ATRN: variants seen among roughly 807,000 people sequenced by gnomAD.
ATRN encodes attractin-2.
ATRN carries 54 observed loss-of-function variants against 178.7 expected under a neutral mutation model. That is an observed-to-expected ratio of 0.30 (90% CI 0.24 to 0.38). ATRN has a LOEUF of 0.38. Among genes scored for constraint, ATRN ranks in the 10% least tolerant of loss-of-function variants. ATRN has a pLI of 1.00. For synonymous variants in ATRN, 636 were observed against 663.0 expected, an observed-to-expected ratio of 0.96 and a Z score of 0.63; for missense variants, 1,443 against 1,815.1, an observed-to-expected ratio of 0.79 and a Z score of 3.73.
Position 3,553,801 on chromosome 20 carries a change from G to A in ATRN, c.1112+4463G>A, listed in dbSNP as rs146250197. Among the ~76,000 whole-genome samples the A allele has an allele frequency of 7.5e-3, 1,140 of 152,320 alleles. 15 individuals are homozygous for A. Among genetic ancestry groups the A allele is most frequent in the African/African-American group, 0.026 (1,064 of 41,578 alleles). ...GTCTTCTCACCCTTTAGATCTCAGT[G>A]TGGTTTTCCCAGAGAGATCTTCTCT... On this transcript the variant is annotated intron_variant, in intron 6 of 28. Transcript: ENST00000262919.
At chr20:3,493,615 C>T (rs762645992) in intron 1 of ATRN, among the ~76,000 whole-genome samples, 1 of 152,182 alleles carries the variant, frequency 6.6e-6, no homozygotes, top group Admixed American at 6.5e-5. Context: ...TTTAGAAAAA[C>T]ATGAACAACC....
chr20:3,559,690 T>G (rs532019863), intron 7 of ATRN, among the ~76,000 whole-genome samples: 4 of 152,280 alleles, frequency 2.6e-5, no homozygotes, highest in African/African-American at 9.6e-5. Context: ...CAAACTGTAA[T>G]GGGGTATTAT....
intron 8 of ATRN, 107 bp downstream of exon 8, chr20:3,561,012 TTTATCTTGAAACA>T (rs2085945148): frequency 1.2e-5 from 16 of 1,375,620 alleles, no homozygotes; most frequent in Non-Finnish European, 1.6e-5. Flanking sequence ...GATTCGGTAC[TTTATCTTGAAACA>T]TAGTAAACAC....
At position 3,578,749 on chromosome 20, in the gene ATRN, A is replaced by T; in HGVS notation, c.2521A>T (p.Ile841Leu). ...AGAATTTGTCCTTAAGCAGCTGCGA[A>T]TAATGCAGTCATCTCAGAGCATGGT... ...KVEFVLKQLRIMQSSQSMSKL... is the reference protein window; with the variant it reads ...KVEFVLKQLRLMQSSQSMSKL... Residue 841 changes from isoleucine (I) to leucine (L), a missense_variant, in exon 15 of 29, where the codon ATA (isoleucine) becomes TTA (leucine). Transcript: ENST00000262919. The T allele has an allele frequency of 6.2e-7, 1 of 1,613,248 alleles. No homozygotes were observed. Among genetic ancestry groups the T allele is most frequent in the Non-Finnish European group, 8.5e-7 (1 of 1,179,756 alleles).
chr20:3,519,006 T>TATATATAAAAAAAAAAAA (rs770584938), intron 1 of ATRN, among the ~76,000 whole-genome samples: 2 of 119,494 alleles, frequency 1.7e-5, no homozygotes, highest in African/African-American at 6.7e-5. Context: ...TCCTTATATA[T>TATATATAAAAAAAAAAAA]AAAAAAAAAA....
chr20:3,527,752 T>C (rs1039572820), intron 1 of ATRN, among the ~76,000 whole-genome samples: 18 of 152,064 alleles, frequency 1.2e-4, no homozygotes, highest in Non-Finnish European at 1.5e-5. Flanking sequence ...TAGAAACAAA[T>C]GAGTTCATGT....
chr20:3,644,954 A>G (rs1198509175), intron 28 of ATRN, among the ~76,000 whole-genome samples: 1 of 152,222 alleles, frequency 6.6e-6, no homozygotes, highest in Non-Finnish European at 1.5e-5. Context: ...TATCTTAAAC[A>G]TTTTTATAGC....
At chr20:3,512,190 T>TTGG (rs2085143277) in intron 1 of ATRN, among the ~76,000 whole-genome samples, 1 of 150,328 alleles carries the variant, frequency 6.7e-6, no homozygotes, top group Non-Finnish European at 1.5e-5. Flanking sequence ...ATGTGCCATG[T>TTGG]TGGTGTGCTG....
intron 24 of ATRN, among the ~76,000 whole-genome samples, chr20:3,617,394 A>T (rs1035216418): frequency 6.6e-6 from 1 of 152,208 alleles, no homozygotes; most frequent in Non-Finnish European, 1.5e-5. Flanking sequence ...TAATATGATC[A>T]TAGGGAAAGT....
chr20:3,595,492 T>C (rs532888486), intron 20 of ATRN, among the ~76,000 whole-genome samples: 7 of 152,378 alleles, frequency 4.6e-5, no homozygotes, highest in Non-Finnish European at 1.0e-4. Context: ...TCTGCATATA[T>C]GTTTACTAGC....
chr20:3,594,616 T>G, intron 20 of ATRN, 44 bp downstream of exon 20: 1 of 1,528,998 alleles, frequency 6.5e-7, no homozygotes, highest in Non-Finnish European at 8.9e-7. Context: ...ACCAAGAGGC[T>G]GTGCAGCTGC....
Position 3,535,309 on chromosome 20 carries a change from C to A in ATRN, c.467C>A (p.Thr156Lys), listed in dbSNP as rs56285393. The change falls in exon 2 of 29, where the codon ACG (threonine) becomes AAG (lysine). Residue 156 changes from threonine (T) to lysine (K), a missense_variant. By Grantham distance (78) the Thr-to-Lys change is moderately conservative. This residue lies in a region of ATRN where 862 missense variants were observed against 972.1 expected (regional missense o/e 0.89). Transcript: ENST00000262919. Reference protein sequence around the residue: ...TDGPGNYKYKTKCTWLIEGQP... With the variant: ...TDGPGNYKYKKKCTWLIEGQP... ...GGACCTGGAAATTATAAATACAAAA[C>A]GAAGTGCACGTGGCTCATTGAAGGA... 1 of 1,552,446 alleles carries A rather than the reference C, an allele frequency of 6.4e-7. No homozygotes were observed. Among genetic ancestry groups the A allele is most frequent in the Non-Finnish European group, 8.8e-7 (1 of 1,142,144 alleles).
intron 1 of ATRN, among the ~76,000 whole-genome samples, chr20:3,523,824 A>G (rs2085327833): frequency 1.3e-5 from 2 of 152,216 alleles, no homozygotes; most frequent in African/African-American, 2.4e-5. Flanking sequence ...ACTAAGCTTC[A>G]TAAGTGAAGG....
At position 3,507,363 on chromosome 20, in the gene ATRN, C is replaced by T. The variant is rs567868831; in HGVS notation, c.411-27890C>T. ...GGCGGAGGATGCGGTGAACCGAGAT[C>T]GCGCCACTGCACTCCAGCCTGCGAC... On this transcript the variant is annotated intron_variant, in intron 1 of 28. Coordinates refer to ENST00000262919, the MANE Select transcript of ATRN (RefSeq NM_139321.3). Among the ~76,000 whole-genome samples the T allele has an allele frequency of 8.7e-5, 13 of 150,092 alleles. No individual in the cohort carries two copies. The South Asian group carries it at 1.9e-3, about 22-fold the overall frequency.
At chr20:3,610,936 A>G (rs1444289337) in intron 24 of ATRN, among the ~76,000 whole-genome samples, 1 of 151,988 alleles carries the variant, frequency 6.6e-6, no homozygotes, top group Non-Finnish European at 1.5e-5. Context: ...AGGCAATTCA[A>G]TGAAGAAAGG....
intron 10 of ATRN, 21 bp downstream of exon 10, chr20:3,563,384 T>G: frequency 1.2e-6 from 2 of 1,609,684 alleles, no homozygotes; most frequent in Non-Finnish European, 1.7e-6. Flanking sequence ...CAAAACCATT[T>G]TCTCTTCAGG....
chr20:3,644,478 C>G (rs1380448914), intron 28 of ATRN, among the ~76,000 whole-genome samples: 3 of 152,208 alleles, frequency 2.0e-5, no homozygotes, highest in African/African-American at 4.8e-5. Flanking sequence ...GGGGGGACGT[C>G]CCGGGACCTC....
intron 1 of ATRN, among the ~76,000 whole-genome samples, chr20:3,473,214 A>G (rs1271655499): frequency 6.6e-6 from 1 of 152,200 alleles, no homozygotes; most frequent in African/African-American, 2.4e-5. Flanking sequence ...AAATCCAACA[A>G]AAATTTTATT....
At chr20:3,616,212 C>T (rs924611745) in intron 24 of ATRN, among the ~76,000 whole-genome samples, 6 of 152,238 alleles carry the variant, frequency 3.9e-5, no homozygotes, top group African/African-American at 1.2e-4. Context: ...GGGAACATTG[C>T]CTTTGGCTGG....
Sources: allele counts gnomAD v4.1 joint callset (sites outside exome capture counted in the v4.1 genomes callset), GRCh38; gene constraint gnomAD v4.1.1; regional missense constraint gnomAD v4.1.1; transcripts MANE v1.5; gene names NCBI Gene and HGNC (gene_info 2026-07-23, HGNC 2026-07-21).